The following FRY variants were observed in gnomAD, a reference collection of about 807,000 sequenced individuals.
FRY encodes the protein protein furry homolog.
A neutral mutation model predicts 348.4 loss-of-function variants in FRY; 128 were observed. That is an observed-to-expected ratio of 0.37 (90% CI 0.32 to 0.43). FRY has a LOEUF of 0.43. Among genes scored for constraint, FRY ranks in the 20% least tolerant of loss-of-function variants. The probability of loss-of-function intolerance (pLI) is 1.00; values close to 1 mark genes in which losing one functional copy is unlikely to be tolerated. For synonymous variants in FRY, 1,370 were observed against 1,374.7 expected (o/e 1.00, Z 0.08); for missense variants, 2,736 against 3,695.2 (o/e 0.74, Z 6.73).
intron 13 of FRY, among the ~76,000 whole-genome samples, chr13:32,148,203 C>T (rs1880572970): frequency 6.6e-6 from 1 of 152,184 alleles, no homozygotes; most frequent in Admixed American, 6.5e-5. Flanking sequence ...ATCTGAGTCA[C>T]AAAGTCTGTG....
In FRY at chr13:32,031,790, G is replaced by A; in HGVS notation, c.-6G>A. 1.3e-6 allele frequency: 2 copies of A among 1,597,514 alleles called. No individual in the cohort carries two copies. The highest frequency in any genetic ancestry group is 8.6e-7 in the Non-Finnish European group (1 of 1,166,488). On this transcript the variant is annotated 5_prime_UTR_variant, in exon 1 of 61. Transcript: ENST00000542859. ...CGTCCTCCCAGCCTCTTTGTATGCCGCAGACATGGCCAGCCAGCAGGATTC... is the reference window on the plus strand; with the variant it reads ...CGTCCTCCCAGCCTCTTTGTATGCCACAGACATGGCCAGCCAGCAGGATTC...
At chr13:32,061,163 G>T (rs1259075307) in intron 1 of FRY, 1 of 533,348 alleles carries the variant, frequency 1.9e-6, no homozygotes, top group South Asian at 1.4e-5. Flanking sequence ...AAAAGGGCTT[G>T]GTAGGTATGA....
intron 2 of FRY, among the ~76,000 whole-genome samples, chr13:32,095,624 T>C (rs988270787): frequency 2.0e-5 from 3 of 152,174 alleles, no homozygotes; most frequent in African/African-American, 7.2e-5. Flanking sequence ...ATTATAGGCG[T>C]GAGCCACCCT....
intron 11 of FRY, among the ~76,000 whole-genome samples, chr13:32,145,097 T>C (rs1217719774): frequency 6.6e-6 from 1 of 152,154 alleles, no homozygotes; most frequent in East Asian, 1.9e-4. Context: ...GAACGTGGCC[T>C]AGCTAGGGTT....
chr13:32,153,133 ATTTGGCAATTTC>A (rs1247523390), intron 14 of FRY, among the ~76,000 whole-genome samples: 6 of 152,190 alleles, frequency 3.9e-5, no homozygotes, highest in African/African-American at 1.4e-4. Context: ...CTTTAGAAAA[ATTTGGCAATTTC>A]TTTTAAGATT....
chr13:32,265,240 A>G (rs187244986), intron 53 of FRY, among the ~76,000 whole-genome samples: 7 of 152,330 alleles, frequency 4.6e-5, no homozygotes, highest in Non-Finnish European at 4.4e-5. Context: ...CCATTATGGA[A>G]GAGATTGAAA....
intron 56 of FRY, among the ~76,000 whole-genome samples, chr13:32,276,254 C>T (rs889678714): frequency 3.3e-5 from 5 of 152,166 alleles, no homozygotes; most frequent in East Asian, 1.9e-4. Flanking sequence ...AAAGAATGGA[C>T]GTTTTCATAG....
rs1886366764 is a variant in FRY, at chr13:32,239,007, C to A, written c.6419-245C>A. On this transcript the variant is annotated intron_variant, in intron 44 of 60. Transcript: ENST00000542859. This position sits in a 1 kb window ranked among gnomAD's most constrained non-coding sequence, Gnocchi z 4.3. ...AACATCTGGGCCAGCCATCCTTATT[C>A]ACAATAGTCCAGTGCAAGATAATCA... Among the ~76,000 whole-genome samples the A allele has an allele frequency of 6.6e-6, 1 of 152,230 alleles. No homozygotes were observed. The highest frequency in any genetic ancestry group is 6.5e-5 in the Admixed American group (1 of 15,282).
At chr13:32,260,158 A>G (rs1887556136) in intron 51 of FRY, among the ~76,000 whole-genome samples, 1 of 152,234 alleles carries the variant, frequency 6.6e-6, no homozygotes, top group Admixed American at 6.5e-5. Flanking sequence ...CCTCTGCTTT[A>G]AAACAGAGGG....
At chr13:32,174,206 A>C in intron 19 of FRY, among the ~76,000 whole-genome samples, 1 of 152,302 alleles carries the variant, frequency 6.6e-6, no homozygotes, top group Middle Eastern at 3.4e-3. Context: ...GAAAATTACC[A>C]CTTTCTGTTT....
chr13:32,181,027 A>T (rs538876418), intron 23 of FRY, among the ~76,000 whole-genome samples: 3 of 151,906 alleles, frequency 2.0e-5, no homozygotes, highest in Non-Finnish European at 2.9e-5. Context: ...AGTAGCTGGG[A>T]TTACAGGCAC....
chr13:32,032,726 A>G (rs904663745), intron 1 of FRY, among the ~76,000 whole-genome samples: 2 of 152,220 alleles, frequency 1.3e-5, no homozygotes, highest in Non-Finnish European at 1.5e-5. Flanking sequence ...GTTTAAAAAG[A>G]AAGTCTTCTC....
At chr13:32,256,252 G>A (rs1315909074) in intron 51 of FRY, among the ~76,000 whole-genome samples, 1 of 152,056 alleles carries the variant, frequency 6.6e-6, no homozygotes, top group Non-Finnish European at 1.5e-5. Context: ...ATAAGAAACT[G>A]GCTGGGCACA....
chr13:32,148,496 T>G (rs983070537), intron 13 of FRY, among the ~76,000 whole-genome samples: 1 of 152,260 alleles, frequency 6.6e-6, no homozygotes, highest in African/African-American at 2.4e-5. Flanking sequence ...AACATAGTTT[T>G]TAATATGTAA....
rs139894805 is a variant in FRY, at chr13:32,117,549, C to T, written c.464+76C>T. The T allele has an allele frequency of 1.8e-5, 26 of 1,479,632 alleles. No individual in the cohort carries two copies. The African/African-American group carries it at 2.6e-4, about 15-fold the overall frequency. 91.7% of individuals were successfully genotyped at this position (1,479,632 alleles called of 1,614,324 possible). A position where few individuals can be genotyped will look rare whatever the true frequency, so the allele number is the denominator to read the frequency against. On this transcript the variant is annotated intron_variant, in intron 4 of 60. Coordinates refer to ENST00000542859, the MANE Select transcript of FRY (RefSeq NM_023037.3). The stretch of plus-strand genomic sequence containing the variant: ...GAAACATAAATCAAAATTAGAGTTA[C>T]AAGGCAATTGGGTCTTCCTGACTCT...
chr13:32,045,290 C>T (rs1002402002), intron 1 of FRY, among the ~76,000 whole-genome samples: 2 of 152,118 alleles, frequency 1.3e-5, no homozygotes, highest in Non-Finnish European at 1.5e-5. Context: ...TTTTCTTCCT[C>T]GAATGACATC....
chr13:32,074,837 G>A (rs759188724), intron 1 of FRY, among the ~76,000 whole-genome samples: 11 of 152,194 alleles, frequency 7.2e-5, no homozygotes, highest in Non-Finnish European at 1.5e-4. Context: ...CCAGAGACCT[G>A]GCATGAAGAG....
Position 32,139,475 on chromosome 13 carries a change from G to GGCAGA in FRY, c.1179+2514_1179+2518dup, listed in dbSNP as rs559871447. ...GAGGTGAGCCATCAAGGGGCAGTGT[G>GGCAGA]GCAGAGCAGAGCAGAAGTGTGCGTG... On this transcript the variant is annotated intron_variant, in intron 11 of 60. Transcript: ENST00000542859. Among the ~76,000 whole-genome samples the GGCAGA allele has an allele frequency of 4.9e-3, 741 of 152,332 alleles. 4 individuals carry two copies. The highest frequency in any genetic ancestry group is 0.01 in the Middle Eastern group (3 of 294).
intron 53 of FRY, 60 bp from the exon 54 acceptor site, chr13:32,265,390 A>C: frequency 6.6e-7 from 1 of 1,504,186 alleles, no homozygotes; most frequent in South Asian, 1.1e-5. Context: ...TTAGTTGAAC[A>C]GGTTGTCCTG....
Sources: allele counts gnomAD v4.1 joint callset (sites outside exome capture counted in the v4.1 genomes callset), GRCh38; gene constraint gnomAD v4.1.1; non-coding constraint Gnocchi (gnomAD v3.1); transcripts MANE v1.5; gene names NCBI Gene and HGNC (gene_info 2026-07-23, HGNC 2026-07-21).